CHL1: variants seen among roughly 807,000 people sequenced by gnomAD.
CHL1 encodes the protein cell adhesion molecule L1 like, also known as neural cell adhesion molecule L1-like protein.
CHL1 carries 96 observed loss-of-function variants against 141.9 expected under a neutral mutation model. The observed-to-expected ratio is 0.68, with a 90% CI of 0.57 to 0.80. The LOEUF is 0.80. Ranked by LOEUF, CHL1 falls within the 30% of genes least tolerant of loss-of-function variation. The probability of loss-of-function intolerance (pLI) is 0.00; values close to 1 mark genes in which losing one functional copy is unlikely to be tolerated. For missense variants in CHL1, 1,820 were observed against 1,457.2 expected (o/e 1.25, Z -4.05); for synonymous variants, 613 against 502.2 (o/e 1.22, Z -2.95).
chr3:268,932 A>T (rs1257944897), intron 2 of CHL1, among the ~76,000 whole-genome samples: 1 of 152,182 alleles, frequency 6.6e-6, no homozygotes, highest in Non-Finnish European at 1.5e-5. Context: ...CTTCCCCAGT[A>T]ATTATGAATG....
intron 15 of CHL1, among the ~76,000 whole-genome samples, chr3:372,977 T>A (rs1489413340): frequency 1.3e-5 from 2 of 152,202 alleles, no homozygotes; most frequent in African/African-American, 4.8e-5. Flanking sequence ...GGGTGCCTGC[T>A]CCTTCTTGTG....
At chr3:277,251 G>C (rs146109266) in intron 2 of CHL1, among the ~76,000 whole-genome samples, 1 of 152,116 alleles carries the variant, frequency 6.6e-6, no homozygotes, top group East Asian at 1.9e-4. Context: ...ATTTGATAAA[G>C]TGCTAAGATG....
Position 394,815 on chromosome 3 carries a change from A to T in CHL1, c.3037A>T (p.Thr1013Ser). The T allele has an allele frequency of 6.2e-7, 1 of 1,614,136 alleles. No individual in the cohort carries two copies. Residue 1013 changes from threonine (T) to serine (S), a missense_variant, in exon 24 of 28, where the codon ACT (threonine) becomes TCT (serine). Transcript: ENST00000256509. ...TKYKFYLRAC[T>S]SQGCGKPITE... Reference sequence around the variant, plus strand: ...GTACAAATTCTACTTGAGGGCTTGCACTTCACAGGGCTGTGGAAAACCGAT... The same window carrying T: ...GTACAAATTCTACTTGAGGGCTTGCTCTTCACAGGGCTGTGGAAAACCGAT...
intron 4 of CHL1, among the ~76,000 whole-genome samples, chr3:326,741 G>A (rs907901450): frequency 2.6e-5 from 4 of 151,630 alleles, no homozygotes; most frequent in Non-Finnish European, 5.9e-5. Context: ...AAAACTCTAC[G>A]TGATTCTAAA....
intron 10 of CHL1, among the ~76,000 whole-genome samples, chr3:351,253 A>G (rs1323250965): frequency 1.3e-5 from 2 of 152,254 alleles, no homozygotes; most frequent in Admixed American, 1.3e-4. Flanking sequence ...AAAGGAATAT[A>G]GATTTCCTGA....
At chr3:399,396 G>C (rs139703736) in intron 26 of CHL1, among the ~76,000 whole-genome samples, 2,507 of 152,184 alleles carry the variant, frequency 0.016, 23 homozygotes, top group Non-Finnish European at 0.024. Flanking sequence ...AATTCCAGCA[G>C]TTTGGGAGGC....
chr3:366,304 C>G (rs1158075589), intron 15 of CHL1, among the ~76,000 whole-genome samples, 189 bp downstream of exon 15: 2 of 151,928 alleles, frequency 1.3e-5, no homozygotes, highest in Non-Finnish European at 2.9e-5. Context: ...AACCCCGTCT[C>G]CACTAAAAAT....
chr3:250,769 T>C (rs926170877), intron 2 of CHL1, among the ~76,000 whole-genome samples: 4 of 152,160 alleles, frequency 2.6e-5, no homozygotes, highest in African/African-American at 9.7e-5. Context: ...GCTTTGTATA[T>C]TTTATGACAT....
chr3:301,034 A>G (rs765829443), intron 2 of CHL1, among the ~76,000 whole-genome samples: 3 of 152,200 alleles, frequency 2.0e-5, no homozygotes, highest in Non-Finnish European at 2.9e-5. Context: ...TTGCAGAATA[A>G]TAAGGATTTT....
chr3:316,717 A>T (rs77219101), intron 2 of CHL1, among the ~76,000 whole-genome samples: 2,733 of 152,084 alleles, frequency 0.018, 31 homozygotes, highest in Non-Finnish European at 0.03. Context: ...TGATGTAATT[A>T]TTCCACATTG....
At chr3:327,135 A>T (rs1212487753) in intron 4 of CHL1, among the ~76,000 whole-genome samples, 1 of 151,948 alleles carries the variant, frequency 6.6e-6, no homozygotes, top group Non-Finnish European at 1.5e-5. Flanking sequence ...AGAGAAGTAA[A>T]ATAAGTCAGG....
At chr3:244,822 C>A (rs753219542) in intron 2 of CHL1, 130 bp downstream of exon 2, 1 of 152,062 alleles carries the variant, frequency 6.6e-6, no homozygotes, top group African/African-American at 2.4e-5. Context: ...TCACTACGGT[C>A]TTAGCGTAGA....
chr3:359,197 C>T (rs928716821), intron 11 of CHL1, among the ~76,000 whole-genome samples: 1 of 151,846 alleles, frequency 6.6e-6, no homozygotes, highest in Non-Finnish European at 1.5e-5. Context: ...AATGCTGATC[C>T]ATCGAGTTCT....
chr3:380,972 C>G (rs769202158), intron 16 of CHL1, among the ~76,000 whole-genome samples: 2 of 152,096 alleles, frequency 1.3e-5, no homozygotes, highest in Non-Finnish European at 2.9e-5. Context: ...ATGTACTGGA[C>G]AAACAGAAAT....
chr3:389,665 T>A (rs1229828003), intron 20 of CHL1, among the ~76,000 whole-genome samples, 191 bp downstream of exon 20: 1 of 152,186 alleles, frequency 6.6e-6, no homozygotes, highest in African/African-American at 2.4e-5. Flanking sequence ...TCGTATAGAG[T>A]ACCAAGGAAG....
intron 2 of CHL1, among the ~76,000 whole-genome samples, chr3:281,717 G>C (rs979985006): frequency 6.6e-6 from 1 of 151,974 alleles, no homozygotes; most frequent in Admixed American, 6.6e-5. Flanking sequence ...ATGCCACCAT[G>C]ACTGGCTAAT....
intron 27 of CHL1, among the ~76,000 whole-genome samples, chr3:403,004 C>T (rs1709265774): frequency 6.6e-6 from 1 of 152,144 alleles, no homozygotes; most frequent in South Asian, 2.1e-4. Context: ...GGCTCAGGAC[C>T]TCTCATGAGG....
chr3:208,476 C>T (rs764096033), intron 1 of CHL1, among the ~76,000 whole-genome samples: 3 of 147,762 alleles, frequency 2.0e-5, no homozygotes, highest in Non-Finnish European at 4.4e-5. Context: ...TTGATTGTCT[C>T]GGCAGAAAGC....
chr3:234,523 G>T (rs1166246727), intron 1 of CHL1, among the ~76,000 whole-genome samples: 1 of 152,114 alleles, frequency 6.6e-6, no homozygotes, highest in Non-Finnish European at 1.5e-5. Context: ...AATATTTAAA[G>T]TACTGAAAAT....
Sources: gnomAD v4.1 joint callset for allele counts (sites outside exome capture counted in the v4.1 genomes callset) on GRCh38, gnomAD v4.1.1 for gene constraint, MANE v1.5 for transcripts, NCBI Gene and HGNC (gene_info 2026-07-23, HGNC 2026-07-21) for gene names.